PLA2G4A: variants seen among roughly 807,000 people sequenced by gnomAD.
PLA2G4A encodes the protein phospholipase A2 group IVA.
A neutral mutation model predicts 81.9 loss-of-function variants in PLA2G4A; 40 were observed. The observed-to-expected ratio is 0.49, with a 90% CI of 0.38 to 0.64. PLA2G4A has a LOEUF of 0.64. Among genes scored for constraint, PLA2G4A ranks in the 30% least tolerant of loss-of-function variants. The pLI, the probability that PLA2G4A is intolerant of heterozygous loss-of-function variation, is 0.00. For synonymous variants in PLA2G4A, 302 were observed against 296.9 expected (o/e 1.02, Z -0.18); for missense variants, 715 against 905.1 (o/e 0.79, Z 2.69).
At position 186,932,618 on chromosome 1, in the gene PLA2G4A, AAAAT is replaced by A; in HGVS notation, c.559-144_559-141del. ...ACCCGGCCTTATTTTCTTCTTTTAA[AAAAT>A]TAGGCATTACTAAAGTATGAAGTTA... On this transcript the variant is annotated intron_variant, in intron 7 of 17. Coordinates refer to ENST00000367466, the MANE Select transcript of PLA2G4A (RefSeq NM_024420.3). 1.4e-5 allele frequency: 4 copies of A among 279,576 alleles called. 2 individuals are homozygous for A. Among genetic ancestry groups the A allele is most frequent in the Non-Finnish European group, 3.0e-5 (4 of 132,916 alleles). 17.3% of individuals were successfully genotyped at this position (279,576 alleles called of 1,614,324 possible).
At chr1:186,936,174 A>G (rs1044663720) in intron 8 of PLA2G4A, among the ~76,000 whole-genome samples, 5 of 151,968 alleles carry the variant, frequency 3.3e-5, no homozygotes, top group Admixed American at 6.6e-5. Flanking sequence ...CTCTGCATCT[A>G]TAAACAGTGT....
intron 7 of PLA2G4A, among the ~76,000 whole-genome samples, chr1:186,912,722 T>TTATATATATATATA (rs1654991884): frequency 7.1e-6 from 1 of 140,414 alleles, no homozygotes; most frequent in African/African-American, 2.9e-5. Context: ...ATATGTATAT[T>TTATATATATATATA]TATATATACA....
intron 1 of PLA2G4A, among the ~76,000 whole-genome samples, chr1:186,839,329 A>T (rs1169045640): frequency 6.6e-6 from 1 of 151,048 alleles, no homozygotes; most frequent in Non-Finnish European, 1.5e-5. Context: ...TTTTTTCCCT[A>T]CCTCCCGGAG....
intron 2 of PLA2G4A, among the ~76,000 whole-genome samples, chr1:186,861,714 T>C (rs1231233736): frequency 6.6e-6 from 1 of 152,106 alleles, no homozygotes; most frequent in Admixed American, 6.6e-5. Flanking sequence ...CACTGCCCTA[T>C]GTGAAATTCT....
chr1:186,830,945 GCTTGCTTGCTTGCTTTCTTT>G (rs1369706710), intron 1 of PLA2G4A, among the ~76,000 whole-genome samples: 1,402 of 40,336 alleles, frequency 0.035, 22 homozygotes, highest in East Asian at 0.13. Context: ...TAGCTTGCTT[GCTTGCTTGCTTGCTTTCTTT>G]CTTTCTTTCT....
chr1:186,858,282 T>A (rs1156233969), intron 2 of PLA2G4A, among the ~76,000 whole-genome samples: 2 of 152,112 alleles, frequency 1.3e-5, no homozygotes, highest in Non-Finnish European at 2.9e-5. Flanking sequence ...TTTCCTGAGT[T>A]TTTTATGATT....
At chr1:186,922,082 C>T (rs1216244143) in intron 7 of PLA2G4A, among the ~76,000 whole-genome samples, 3 of 151,984 alleles carry the variant, frequency 2.0e-5, no homozygotes, top group African/African-American at 7.2e-5. Flanking sequence ...TGAAATTTTT[C>T]CACATAGTTC....
At chr1:186,859,704 A>C (rs1652728642) in intron 2 of PLA2G4A, among the ~76,000 whole-genome samples, 1 of 152,182 alleles carries the variant, frequency 6.6e-6, no homozygotes. Context: ...AGATTATTAC[A>C]GTAACACAGG....
chr1:186,987,893 T>C (rs893107906), intron 17 of PLA2G4A, among the ~76,000 whole-genome samples: 1 of 152,254 alleles, frequency 6.6e-6, no homozygotes, highest in African/African-American at 2.4e-5. Flanking sequence ...TCATGTTTTA[T>C]AACTGTATTG....
At chr1:186,837,453 G>C (rs1315801016) in intron 1 of PLA2G4A, among the ~76,000 whole-genome samples, 2 of 151,980 alleles carry the variant, frequency 1.3e-5, no homozygotes, top group African/African-American at 4.8e-5. Flanking sequence ...ATTTGGGCCA[G>C]GCTCAGTGGC....
intron 2 of PLA2G4A, among the ~76,000 whole-genome samples, chr1:186,865,840 T>C (rs550222883): frequency 3.3e-5 from 5 of 152,350 alleles, no homozygotes; most frequent in Admixed American, 6.5e-5. Context: ...AGAATGAATT[T>C]AATACAGTAG....
intron 2 of PLA2G4A, among the ~76,000 whole-genome samples, chr1:186,862,128 T>C (rs1262940346): frequency 6.6e-6 from 1 of 151,458 alleles, no homozygotes; most frequent in African/African-American, 2.4e-5. Flanking sequence ...GGTTTTCTGA[T>C]TGCCTTTTTA....
chr1:186,964,985 C>A (rs1463279742), intron 14 of PLA2G4A, among the ~76,000 whole-genome samples: 1 of 152,204 alleles, frequency 6.6e-6, no homozygotes, highest in Non-Finnish European at 1.5e-5. Context: ...TTGGCTTCAC[C>A]CTCCATTTAC....
intron 14 of PLA2G4A, among the ~76,000 whole-genome samples, chr1:186,962,491 TTTA>T (rs763363466): frequency 0.043 from 2,722 of 63,428 alleles, 31 homozygotes; most frequent in Non-Finnish European, 0.06. Context: ...TTTTATTTTA[TTTA>T]TTTATTTATT....
intron 15 of PLA2G4A, among the ~76,000 whole-genome samples, chr1:186,967,002 G>C (rs1053746991): frequency 3.9e-5 from 6 of 152,212 alleles, no homozygotes; most frequent in African/African-American, 1.4e-4. Flanking sequence ...CTATGAGAGA[G>C]ATGGAGTTAT....
At chr1:186,980,170 A>C (rs1357127377) in intron 17 of PLA2G4A, among the ~76,000 whole-genome samples, 1 of 151,788 alleles carries the variant, frequency 6.6e-6, no homozygotes, top group Non-Finnish European at 1.5e-5. Context: ...CCATCTCCTG[A>C]CCTCGTTACC....
intron 1 of PLA2G4A, among the ~76,000 whole-genome samples, chr1:186,849,381 C>T (rs1652296101): frequency 1.3e-5 from 2 of 151,996 alleles, no homozygotes; most frequent in African/African-American, 4.8e-5. Context: ...CACACAGAAC[C>T]AGTAACAGGC....
chr1:186,946,288 A>G (rs1048197843), intron 10 of PLA2G4A, among the ~76,000 whole-genome samples: 1 of 152,116 alleles, frequency 6.6e-6, no homozygotes, highest in Non-Finnish European at 1.5e-5. Context: ...TTTATTCTGT[A>G]TGCTCCATGA....
At chr1:186,846,112 G>A (rs910168776) in intron 1 of PLA2G4A, among the ~76,000 whole-genome samples, 1 of 152,164 alleles carries the variant, frequency 6.6e-6, no homozygotes, top group Non-Finnish European at 1.5e-5. Context: ...TTCCAGAACT[G>A]AGCTAATTCT....
Sources: gnomAD v4.1 joint callset for allele counts (sites outside exome capture counted in the v4.1 genomes callset) on GRCh38, gnomAD v4.1.1 for gene constraint, MANE v1.5 for transcripts, NCBI Gene and HGNC (gene_info 2026-07-23, HGNC 2026-07-21) for gene names.